AGBL1: variants seen among roughly 807,000 people sequenced by gnomAD.
The protein encoded by AGBL1 is AGBL carboxypeptidase 1, also known as cytosolic carboxypeptidase 4.
A neutral mutation model predicts 118.9 loss-of-function variants in AGBL1; 130 were observed. That is an observed-to-expected ratio of 1.09 (90% confidence interval 0.95 to 1.26). AGBL1 has a LOEUF of 1.26. AGBL1 is among the 50% of genes most tolerant of loss of function. The probability of loss-of-function intolerance (pLI) is 0.00; values close to 1 mark genes in which losing one functional copy is unlikely to be tolerated. For missense variants in AGBL1, 1,584 were observed against 1,298.1 expected (o/e 1.22, Z -3.38); for synonymous variants, 555 against 478.9 (o/e 1.16, Z -2.08).
At chr15:86,964,011 C>CTCTCTCTCTCTG (rs1477100236) in intron 23 of AGBL1, among the ~76,000 whole-genome samples, 16 of 134,250 alleles carry the variant, frequency 1.2e-4, no homozygotes, top group Non-Finnish European at 2.4e-4. Flanking sequence ...CCAGGAAACT[C>CTCTCTCTCTCTG]TCTCTCTCTC....
At position 86,440,480 on chromosome 15, in the gene AGBL1, T is replaced by C. The variant is rs537559127; in HGVS notation, c.2555+42934T>C. Among the ~76,000 whole-genome samples, 5 of 65,572 alleles carry C rather than the reference T, an allele frequency of 7.6e-5. No individual in the cohort carries two copies. In the East Asian group the frequency reaches 3.8e-3, roughly 50 times the overall value. 43.0% of individuals were successfully genotyped at this position (65,572 alleles called of 152,430 possible). Reference sequence around the variant, plus strand: ...TGATTGTCCTATCACCACCATGGGATGGAGAATAATAATAATAATAATAAT... The same window carrying C: ...TGATTGTCCTATCACCACCATGGGACGGAGAATAATAATAATAATAATAAT... On this transcript the variant is annotated intron_variant, in intron 18 of 22. Coordinates refer to ENST00000614907, the MANE Select transcript of AGBL1 (RefSeq NM_001386094.1).
intron 21 of AGBL1, among the ~76,000 whole-genome samples, chr15:86,626,922 C>T (rs1319613558): frequency 1.3e-5 from 2 of 149,772 alleles, no homozygotes; most frequent in Non-Finnish European, 3.0e-5. Flanking sequence ...ACTGCAACCT[C>T]TGCCTCCCAG....
intron 4 of AGBL1, among the ~76,000 whole-genome samples, chr15:86,156,286 C>A (rs1468174931): frequency 1.3e-5 from 2 of 152,096 alleles, no homozygotes; most frequent in Admixed American, 1.3e-4. Flanking sequence ...TTCTACTGGC[C>A]CCTCTCTTTG....
chr15:86,081,293 G>A (rs1194395857), intron 1 of AGBL1, among the ~76,000 whole-genome samples: 7 of 152,044 alleles, frequency 4.6e-5, no homozygotes, highest in East Asian at 3.9e-4. Context: ...AATCCACCTC[G>A]GCCTCCCAAA....
chr15:86,236,966 G>A (rs1446360004), intron 6 of AGBL1, among the ~76,000 whole-genome samples: 2 of 136,410 alleles, frequency 1.5e-5, no homozygotes, highest in Admixed American at 7.3e-5. Flanking sequence ...GGGGCGCCAA[G>A]TTGCCAGGCA....
intron 21 of AGBL1, among the ~76,000 whole-genome samples, chr15:86,571,727 G>A (rs988771578): frequency 5.9e-5 from 9 of 152,174 alleles, no homozygotes; most frequent in South Asian, 2.1e-4. Context: ...GGGAGGAAGC[G>A]GGTGCTGATT....
chr15:86,458,961 C>T (rs1281049156), intron 18 of AGBL1, among the ~76,000 whole-genome samples: 1 of 152,156 alleles, frequency 6.6e-6, no homozygotes, highest in Non-Finnish European at 1.5e-5. Context: ...TCGTTAATTA[C>T]TAACGTATCA....
At chr15:86,857,019 C>T (rs1312368946) in intron 22 of AGBL1, among the ~76,000 whole-genome samples, 1 of 152,160 alleles carries the variant, frequency 6.6e-6, no homozygotes, top group Non-Finnish European at 1.5e-5. Flanking sequence ...GGTGACACCA[C>T]CAGCCACTTA....
chr15:86,756,588 G>A (rs1004683268), intron 22 of AGBL1, among the ~76,000 whole-genome samples: 1 of 152,086 alleles, frequency 6.6e-6, no homozygotes, highest in Non-Finnish European at 1.5e-5. Context: ...TCCCATAGTA[G>A]CTGATTCCTA....
intron 23 of AGBL1, among the ~76,000 whole-genome samples, chr15:86,925,720 C>CTTTTTTTTT (rs375125663): frequency 3.9e-4 from 52 of 131,976 alleles, no homozygotes; most frequent in African/African-American, 1.2e-3. Context: ...TTTTTCTTTT[C>CTTTTTTTTT]TTTTTTTTTT....
In AGBL1 at chr15:86,598,710, G is replaced by T. The variant is rs151317881; in HGVS notation, c.2994+44173G>T. Among the ~76,000 whole-genome samples the T allele has an allele frequency of 1.1e-4, 17 of 152,192 alleles. No individual in the cohort carries two copies. The East Asian group carries it at 3.3e-3, about 29-fold the overall frequency. On this transcript the variant is annotated intron_variant, in intron 21 of 22. Transcript: ENST00000614907. ...CTGTGACTGTCTGCACAAGCAATGG[G>T]TCAATTTAAAACATGGCTGCACCTA...
chr15:86,234,528 G>A (rs1567144476), intron 6 of AGBL1, among the ~76,000 whole-genome samples: 2 of 148,386 alleles, frequency 1.3e-5, no homozygotes, highest in Admixed American at 1.3e-4. Flanking sequence ...TCCAGCCTGG[G>A]CGACAGAGTG....
intron 17 of AGBL1, among the ~76,000 whole-genome samples, chr15:86,364,236 C>T (rs893393310): frequency 2.0e-5 from 3 of 152,172 alleles, no homozygotes; most frequent in Non-Finnish European, 4.4e-5. Flanking sequence ...TCTCCACATA[C>T]TTTAACCACC....
chr15:86,787,357 A>G (rs2078427410), intron 22 of AGBL1, among the ~76,000 whole-genome samples: 1 of 152,128 alleles, frequency 6.6e-6, no homozygotes, highest in African/African-American at 2.4e-5. Context: ...TATTCATCCT[A>G]CATACTCTAG....
At chr15:86,971,198 G>C (rs996776572) in intron 23 of AGBL1, among the ~76,000 whole-genome samples, 5 of 152,008 alleles carry the variant, frequency 3.3e-5, no homozygotes, top group African/African-American at 1.2e-4. Context: ...CTTCCTGTTT[G>C]CATGAACTGG....
intron 18 of AGBL1, among the ~76,000 whole-genome samples, chr15:86,489,844 A>G (rs2082757855): frequency 2.0e-5 from 3 of 152,154 alleles, no homozygotes; most frequent in Admixed American, 6.6e-5. Context: ...TAGGATGCCA[A>G]GAAAGCTAGA....
At chr15:86,592,427 T>G (rs2084350290) in intron 21 of AGBL1, among the ~76,000 whole-genome samples, 1 of 152,184 alleles carries the variant, frequency 6.6e-6, no homozygotes, top group South Asian at 2.1e-4. Context: ...GCAAGAGACT[T>G]GAGAGATCCA....
At chr15:86,444,372 G>T (rs1026110302) in intron 18 of AGBL1, among the ~76,000 whole-genome samples, 1 of 152,172 alleles carries the variant, frequency 6.6e-6, no homozygotes, top group Admixed American at 6.5e-5. Flanking sequence ...AAGAAGAGCT[G>T]GGGTTAGCCC....
At chr15:86,553,972 T>C (rs2083697096) in intron 20 of AGBL1, among the ~76,000 whole-genome samples, 2 of 152,248 alleles carry the variant, frequency 1.3e-5, no homozygotes, top group Non-Finnish European at 2.9e-5. Context: ...GAGATTCTCC[T>C]ACCTCAGCCT....
Sources: gnomAD v4.1 joint callset for allele counts (sites outside exome capture counted in the v4.1 genomes callset) on GRCh38, gnomAD v4.1.1 for gene constraint, MANE v1.5 for transcripts, NCBI Gene and HGNC (gene_info 2026-07-23, HGNC 2026-07-21) for gene names.